The following TDRD5 variants were observed in gnomAD, a reference collection of about 807,000 sequenced individuals.
TDRD5 encodes tudor domain containing 5, also known as tudor domain-containing protein 5.
Under a neutral mutation model 120.6 loss-of-function variants are expected in TDRD5, and 41 were observed. That is an observed-to-expected ratio of 0.34 (90% CI 0.26 to 0.44). The LOEUF (loss-of-function observed/expected upper bound fraction) is 0.44, where lower values mean the gene tolerates loss of function less well. Ranked by LOEUF, TDRD5 falls within the 20% of genes least tolerant of loss-of-function variation. TDRD5 has a pLI of 1.00. For synonymous variants in TDRD5, 430 were observed against 433.7 expected, an observed-to-expected ratio of 0.99 and a Z score of 0.11; for missense variants, 1,006 against 1,221.2, an observed-to-expected ratio of 0.82 and a Z score of 2.63.
intron 14 of TDRD5, among the ~76,000 whole-genome samples, chr1:179,659,172 A>G (rs544978707): frequency 9.8e-5 from 15 of 152,306 alleles, no homozygotes; most frequent in African/African-American, 3.6e-4. Context: ...GATGTGGTCT[A>G]GCTTGGTAAA....
intron 6 of TDRD5, among the ~76,000 whole-genome samples, chr1:179,625,355 G>T (rs1174337661): frequency 6.6e-6 from 1 of 152,042 alleles, no homozygotes; most frequent in Non-Finnish European, 1.5e-5. Flanking sequence ...CTATTTAGGA[G>T]ACCCCATTTA....
At chr1:179,611,923 A>T (rs945266537) in intron 4 of TDRD5, among the ~76,000 whole-genome samples, 2 of 152,158 alleles carry the variant, frequency 1.3e-5, no homozygotes, top group African/African-American at 2.4e-5. Flanking sequence ...TCTAATTCCC[A>T]AACTATGTAT....
intron 11 of TDRD5, among the ~76,000 whole-genome samples, chr1:179,641,334 A>G (rs991551639): frequency 6.6e-6 from 1 of 152,198 alleles, no homozygotes; most frequent in African/African-American, 2.4e-5. Flanking sequence ...ATTCAAGACC[A>G]GCCTGGCCAA....
chr1:179,618,285 TAGG>T (rs1676664677), intron 4 of TDRD5, among the ~76,000 whole-genome samples: 1 of 152,226 alleles, frequency 6.6e-6, no homozygotes, highest in Non-Finnish European at 1.5e-5. Flanking sequence ...CTTTTATAAA[TAGG>T]AGAAAATTAG....
chr1:179,618,615 A>ATGGAG lies in TDRD5; in HGVS notation c.848_849insTGGAG (p.Lys283AsnfsTer19). On this transcript the variant is annotated frameshift_variant, in exon 5 of 18. Coordinates refer to ENST00000444136, the MANE Select transcript of TDRD5 (RefSeq NM_001199085.3). LOFTEE classifies it high-confidence loss of function. Reference sequence around the variant, plus strand: ...TTTTCATAGCTGGAGAACACATTCAAATCAGTTATTGCACAGATTGGACCT... The same window carrying ATGGAG: ...TTTTCATAGCTGGAGAACACATTCAATGGAGATCAGTTATTGCACAGATTGGACCT... 6.3e-7 allele frequency: 1 copy of ATGGAG among 1,590,894 alleles called. No individual in the cohort carries two copies. The highest frequency in any genetic ancestry group is 8.5e-7 in the Non-Finnish European group (1 of 1,171,038).
intron 4 of TDRD5, among the ~76,000 whole-genome samples, chr1:179,605,924 A>G (rs1485247975): frequency 6.6e-6 from 1 of 152,070 alleles, no homozygotes; most frequent in Non-Finnish European, 1.5e-5. Context: ...TTTTGTGTGG[A>G]TAGCAGTTTT....
At chr1:179,630,430 G>A (rs908276375) in intron 6 of TDRD5, among the ~76,000 whole-genome samples, 1 of 152,066 alleles carries the variant, frequency 6.6e-6, no homozygotes, top group Non-Finnish European at 1.5e-5. Context: ...GTTTTATTAC[G>A]ACTGTTGTAA....
At chr1:179,664,617 G>C (rs985832852) in intron 16 of TDRD5, among the ~76,000 whole-genome samples, 2 of 152,076 alleles carry the variant, frequency 1.3e-5, no homozygotes, top group African/African-American at 4.8e-5. Context: ...ATTCATCCTT[G>C]TTGTAGTATG....
chr1:179,661,511 A>G (rs1021836119), intron 14 of TDRD5, among the ~76,000 whole-genome samples: 1 of 152,104 alleles, frequency 6.6e-6, no homozygotes, highest in African/African-American at 2.4e-5. Context: ...AGGGATCTCA[A>G]TATTCATTAT....
chr1:179,617,828 G>C (rs1379482615), intron 4 of TDRD5, among the ~76,000 whole-genome samples: 1 of 151,758 alleles, frequency 6.6e-6, no homozygotes, highest in African/African-American at 2.4e-5. Context: ...TATTTTAGTG[G>C]GGCCTCTGTA....
chr1:179,631,548 G>A (rs1006633781), intron 7 of TDRD5, among the ~76,000 whole-genome samples: 1 of 152,122 alleles, frequency 6.6e-6, no homozygotes, highest in African/African-American at 2.4e-5. Context: ...AGAATAAATG[G>A]GTGTGCGTTG....
intron 14 of TDRD5, among the ~76,000 whole-genome samples, chr1:179,655,536 A>C (rs1469975035): frequency 6.6e-6 from 1 of 151,776 alleles, no homozygotes; most frequent in African/African-American, 2.4e-5. Flanking sequence ...TGTAACCAAC[A>C]CTGCAATTGG....
At chr1:179,633,722 A>T (rs1370933551) in intron 7 of TDRD5, among the ~76,000 whole-genome samples, 1 of 152,150 alleles carries the variant, frequency 6.6e-6, no homozygotes, top group Non-Finnish European at 1.5e-5. Context: ...TACATGATTA[A>T]CTTGAAAATT....
intron 13 of TDRD5, among the ~76,000 whole-genome samples, chr1:179,653,148 T>G (rs1289322603): frequency 1.3e-5 from 2 of 152,194 alleles, no homozygotes; most frequent in Non-Finnish European, 2.9e-5. Flanking sequence ...CCTCCAAGTC[T>G]TATATTCCTC....
intron 17 of TDRD5, among the ~76,000 whole-genome samples, chr1:179,683,499 A>G (rs1680538417): frequency 6.6e-6 from 1 of 152,176 alleles, no homozygotes; most frequent in South Asian, 2.1e-4. Flanking sequence ...TATGATCAGA[A>G]TTTCACTTTT....
intron 11 of TDRD5, among the ~76,000 whole-genome samples, chr1:179,649,773 C>T (rs950443022): frequency 2.6e-5 from 4 of 151,896 alleles, no homozygotes; most frequent in African/African-American, 7.3e-5. Flanking sequence ...TTTATCTTTG[C>T]CTATGTACTG....
At chr1:179,647,689 C>T (rs1263462116) in intron 11 of TDRD5, among the ~76,000 whole-genome samples, 3 of 151,874 alleles carry the variant, frequency 2.0e-5, no homozygotes, top group African/African-American at 4.8e-5. Flanking sequence ...ATTTTCGCCA[C>T]CTACTCATCT....
At chr1:179,592,247 AGGGC>A in intron 1 of TDRD5, 122 bp downstream of exon 1, 1 of 197,058 alleles carries the variant, frequency 5.1e-6, no homozygotes, top group Non-Finnish European at 1.0e-5. Flanking sequence ...CTCGCCCTGC[AGGGC>A]GGAGGCGGCA....
At chr1:179,605,871 C>G (rs754453735) in intron 4 of TDRD5, among the ~76,000 whole-genome samples, 1 of 152,112 alleles carries the variant, frequency 6.6e-6, no homozygotes, top group Non-Finnish European at 1.5e-5. Flanking sequence ...TGAAGGACGT[C>G]TTGCTTGTTT....
Sources: allele counts gnomAD v4.1 joint callset (sites outside exome capture counted in the v4.1 genomes callset), GRCh38; gene constraint gnomAD v4.1.1; transcripts MANE v1.5; gene names NCBI Gene and HGNC (gene_info 2026-07-23, HGNC 2026-07-21).